CHCHD6: variants seen among roughly 807,000 people sequenced by gnomAD.
CHCHD6 encodes the protein coiled-coil-helix-coiled-coil-helix domain containing 6.
Under a neutral mutation model 32.3 loss-of-function variants are expected in CHCHD6, and 28 were observed. The observed-to-expected ratio is 0.87, with a 90% CI of 0.64 to 1.19. The LOEUF (loss-of-function observed/expected upper bound fraction) is 1.19. Among genes scored for constraint, CHCHD6 ranks in the 50% most tolerant of loss-of-function variants. CHCHD6 has a pLI of 0.00. For synonymous variants in CHCHD6, 122 were observed against 117.5 expected, an observed-to-expected ratio of 1.04 and a Z score of -0.25; for missense variants, 333 against 307.0, an observed-to-expected ratio of 1.08 and a Z score of -0.63.
intron 1 of CHCHD6, among the ~76,000 whole-genome samples, chr3:126,712,498 C>G (rs1399427296): frequency 1.3e-5 from 2 of 152,184 alleles, no homozygotes; most frequent in African/African-American, 4.8e-5. Flanking sequence ...GTAACCCTTA[C>G]TAGGCTCATC....
chr3:126,741,351 T>C (rs1344484760), intron 4 of CHCHD6, among the ~76,000 whole-genome samples: 1 of 152,022 alleles, frequency 6.6e-6, no homozygotes, highest in Non-Finnish European at 1.5e-5. Flanking sequence ...ATTTTTTTTT[T>C]TTTTAAAGGA....
At chr3:126,822,309 GAA>G (rs1186783802) in intron 4 of CHCHD6, among the ~76,000 whole-genome samples, 1 of 152,154 alleles carries the variant, frequency 6.6e-6, no homozygotes, top group African/African-American at 2.4e-5. Flanking sequence ...ATCATCTGTT[GAA>G]AAGACTATTT....
intron 4 of CHCHD6, among the ~76,000 whole-genome samples, chr3:126,833,251 C>T (rs1940712817): frequency 6.6e-6 from 1 of 152,126 alleles, no homozygotes; most frequent in Non-Finnish European, 1.5e-5. Context: ...AGACAGTTTC[C>T]TTCCGAAGTT....
chr3:126,894,618 A>G (rs148011317), intron 5 of CHCHD6, among the ~76,000 whole-genome samples: 1,750 of 152,170 alleles, frequency 0.012, 19 homozygotes, highest in Non-Finnish European at 0.019. Context: ...AGGACACCCA[A>G]CAGGCCATCC....
chr3:126,784,645 A>T (rs1233663722), intron 4 of CHCHD6, among the ~76,000 whole-genome samples: 1 of 152,042 alleles, frequency 6.6e-6, no homozygotes, highest in Non-Finnish European at 1.5e-5. Flanking sequence ...GAAACTTTTC[A>T]CACCTTTCCC....
In CHCHD6 at chr3:126,930,739, A is replaced by AC. The variant is rs1368712073; in HGVS notation, c.566+15991dup. On this transcript the variant is annotated intron_variant, in intron 6 of 7. Coordinates refer to ENST00000290913, the MANE Select transcript of CHCHD6 (RefSeq NM_032343.3). Reference sequence around the variant, plus strand: ...ATGGTTGTGAGGGCTGAGTAAGGAAACCTCTATCCATCCCTACCCCTTCCC... The same window carrying AC: ...ATGGTTGTGAGGGCTGAGTAAGGAAACCCTCTATCCATCCCTACCCCTTCCC... Among the ~76,000 whole-genome samples the AC allele has an allele frequency of 2.2e-4, 33 of 151,968 alleles. No individual in the cohort carries two copies. In the East Asian group the frequency reaches 5.8e-3, roughly 27 times the overall value.
rs1281442250 is a variant in CHCHD6, at chr3:126,745,297, C to T, written c.411+12075C>T. 3.3e-5 allele frequency among the ~76,000 whole-genome samples: 5 copies of T among 152,344 alleles called. No individual in the cohort carries two copies. The East Asian group carries it at 9.6e-4, about 29-fold the overall frequency. On this transcript the variant is annotated intron_variant, in intron 4 of 7. Coordinates refer to ENST00000290913, the MANE Select transcript of CHCHD6 (RefSeq NM_032343.3). ...AGCCCAGCGTCCGGACTCTGTTACA[C>T]CTGGGCTCAGATGCCCCAGGTACTG...
chr3:126,767,997 T>C (rs953088515), intron 4 of CHCHD6, among the ~76,000 whole-genome samples: 2 of 152,174 alleles, frequency 1.3e-5, no homozygotes, highest in Non-Finnish European at 2.9e-5. Flanking sequence ...CAGTGTACCA[T>C]GGATGAGTAT....
intron 6 of CHCHD6, among the ~76,000 whole-genome samples, chr3:126,954,730 GC>G (rs149274373): frequency 0.022 from 3,421 of 152,306 alleles, 132 homozygotes; most frequent in African/African-American, 0.077. Flanking sequence ...TCAGGGGAGT[GC>G]AGCAGAGGCT....
chr3:126,957,672 G>C, intron 7 of CHCHD6, 121 bp downstream of exon 7: 1 of 1,227,204 alleles, frequency 8.1e-7, no homozygotes. Context: ...CCACTTGGAG[G>C]TCTCTGCATT....
chr3:126,934,793 C>T (rs1334267548), intron 6 of CHCHD6, among the ~76,000 whole-genome samples: 3 of 152,128 alleles, frequency 2.0e-5, no homozygotes, highest in Non-Finnish European at 4.4e-5. Flanking sequence ...TCATGATCCG[C>T]CCGCCTCGGC....
chr3:126,902,861 A>C (rs771229156), intron 5 of CHCHD6, among the ~76,000 whole-genome samples: 14 of 152,094 alleles, frequency 9.2e-5, no homozygotes, highest in Non-Finnish European at 1.6e-4. Context: ...GGTCTGAGAG[A>C]TTCTGCATTT....
intron 5 of CHCHD6, among the ~76,000 whole-genome samples, chr3:126,891,099 TC>T (rs1043200111): frequency 9.9e-5 from 15 of 152,244 alleles, no homozygotes; most frequent in African/African-American, 3.6e-4. Flanking sequence ...CATTGTTTCT[TC>T]CCCAGGACAT....
chr3:126,877,533 C>T (rs558136909), intron 5 of CHCHD6, among the ~76,000 whole-genome samples: 9 of 148,110 alleles, frequency 6.1e-5, no homozygotes, highest in South Asian at 2.2e-4. Flanking sequence ...CCAGCCTGGG[C>T]GACAGAGTGA....
At chr3:126,805,569 A>G (rs1939326655) in intron 4 of CHCHD6, among the ~76,000 whole-genome samples, 1 of 152,202 alleles carries the variant, frequency 6.6e-6, no homozygotes, top group African/African-American at 2.4e-5. Context: ...AACAAATGGA[A>G]GAACATTCCA....
intron 6 of CHCHD6, among the ~76,000 whole-genome samples, chr3:126,919,184 T>A (rs1049398042): frequency 6.6e-6 from 1 of 152,184 alleles, no homozygotes; most frequent in East Asian, 1.9e-4. Context: ...TAAGATGTAG[T>A]GTTCTGTATT....
intron 4 of CHCHD6, among the ~76,000 whole-genome samples, chr3:126,819,420 T>C (rs1394945508): frequency 2.0e-5 from 3 of 152,206 alleles, no homozygotes; most frequent in Non-Finnish European, 4.4e-5. Flanking sequence ...CTGGCAAAGC[T>C]AGAAGATTCT....
intron 6 of CHCHD6, among the ~76,000 whole-genome samples, chr3:126,934,732 G>A (rs2078454180): frequency 6.6e-6 from 1 of 151,812 alleles, no homozygotes; most frequent in African/African-American, 2.4e-5. Context: ...TGTATTTTTA[G>A]TAGAGATGGG....
intron 7 of CHCHD6, among the ~76,000 whole-genome samples, chr3:126,959,100 T>C (rs931002033): frequency 1.3e-5 from 2 of 151,932 alleles, no homozygotes; most frequent in Admixed American, 6.6e-5. Flanking sequence ...CCCCTAAGAG[T>C]ATTTCTTTAA....
Sources: gnomAD v4.1 joint callset for allele counts (sites outside exome capture counted in the v4.1 genomes callset) on GRCh38, gnomAD v4.1.1 for gene constraint, MANE v1.5 for transcripts, NCBI Gene and HGNC (gene_info 2026-07-23, HGNC 2026-07-21) for gene names.